LHFPL6: variants seen among roughly 807,000 people sequenced by gnomAD.
LHFPL6 encodes LHFPL tetraspan subfamily member 6 protein.
A neutral mutation model predicts 20.6 loss-of-function variants in LHFPL6; 9 were observed. The ratio of observed to expected loss-of-function variants is 0.44; its 90% CI spans 0.26 to 0.76. The LOEUF is 0.76. Ranked by LOEUF, LHFPL6 falls within the 30% of genes least tolerant of loss-of-function variation. The probability of loss-of-function intolerance (pLI) is 0.20; values close to 1 mark genes in which losing one functional copy is unlikely to be tolerated. For missense variants in LHFPL6, 218 were observed against 253.5 expected (o/e 0.86, Z 0.95); for synonymous variants, 105 against 98.7 (o/e 1.06, Z -0.38).
intron 2 of LHFPL6, among the ~76,000 whole-genome samples, chr13:39,468,609 AT>A (rs1173886020): frequency 2.0e-5 from 3 of 152,204 alleles, no homozygotes; most frequent in African/African-American, 4.8e-5. Flanking sequence ...AAGTAATGTC[AT>A]GATTTGCACT....
intron 2 of LHFPL6, among the ~76,000 whole-genome samples, chr13:39,432,637 C>T (rs1871845535): frequency 6.6e-6 from 1 of 152,196 alleles, no homozygotes; most frequent in Non-Finnish European, 1.5e-5. Context: ...CCTTTCCTGG[C>T]TGTATAAGTT....
In LHFPL6 at chr13:39,541,300, T is replaced by C. The variant is rs535315594; in HGVS notation, c.385+59532A>G. Among the ~76,000 whole-genome samples, 4 of 152,322 alleles carry C rather than the reference T, an allele frequency of 2.6e-5. No homozygotes were observed. In the South Asian group the frequency reaches 8.3e-4, roughly 32 times the overall value. ...GTTTGAACACCAATGAAGTCCATTT[T>C]TCCATGTTTGCTCTTTATGAAAAAA... is the stretch of plus-strand genomic sequence containing the variant. On this transcript the variant is annotated intron_variant, in intron 2 of 3. Coordinates refer to ENST00000379589, the MANE Select transcript of LHFPL6 (RefSeq NM_005780.3).
At chr13:39,522,858 G>A (rs1870155006) in intron 2 of LHFPL6, among the ~76,000 whole-genome samples, 1 of 152,204 alleles carries the variant, frequency 6.6e-6, no homozygotes, top group Non-Finnish European at 1.5e-5. Flanking sequence ...CATTAAATTC[G>A]TATGGACAGT....
At chr13:39,568,662 T>C (rs1204864978) in intron 2 of LHFPL6, among the ~76,000 whole-genome samples, 1 of 152,230 alleles carries the variant, frequency 6.6e-6, no homozygotes, top group Non-Finnish European at 1.5e-5. Context: ...CATTTCACTT[T>C]TTCTCTGCAT....
rs977796333 is a variant in LHFPL6 at position 39,378,587 on chromosome 13, G to A, written c.386-61C>T. On this transcript the variant is annotated intron_variant, in intron 2 of 3. Coordinates refer to ENST00000379589, the MANE Select transcript of LHFPL6 (RefSeq NM_005780.3). ...CTTCTCTGCATCACTAGATAAAGGT[G>A]GTGGGATCAATATTTAGCAATATAA... 26 of 1,277,020 alleles carry A rather than the reference G, an allele frequency of 2.0e-5. No homozygotes were observed. The South Asian group carries it at 3.1e-4, about 15-fold the overall frequency. 79.1% of individuals were successfully genotyped at this position (1,277,020 alleles called of 1,614,324 possible).
At chr13:39,424,412 T>C (rs1053454177) in intron 2 of LHFPL6, among the ~76,000 whole-genome samples, 2 of 152,138 alleles carry the variant, frequency 1.3e-5, no homozygotes, top group Non-Finnish European at 2.9e-5. Context: ...ACCAGGTAGG[T>C]ATGAATAGGT....
chr13:39,561,126 C>G (rs1871465374), intron 2 of LHFPL6, among the ~76,000 whole-genome samples: 1 of 151,906 alleles, frequency 6.6e-6, no homozygotes, highest in African/African-American at 2.4e-5. Context: ...ATTGACTCAC[C>G]TATTCAGGGC....
intron 2 of LHFPL6, among the ~76,000 whole-genome samples, chr13:39,414,819 C>A (rs1192707423): frequency 2.0e-5 from 3 of 152,078 alleles, no homozygotes; most frequent in Admixed American, 6.5e-5. Context: ...GGCATTTAGA[C>A]CCCTAAGAGT....
intron 2 of LHFPL6, among the ~76,000 whole-genome samples, chr13:39,395,555 G>A (rs563604442): frequency 6.6e-6 from 1 of 152,274 alleles, no homozygotes; most frequent in African/African-American, 2.4e-5. Context: ...CCGGAGCCTG[G>A]GCAAACTATT....
At chr13:39,537,045 A>AT (rs1044891984) in intron 2 of LHFPL6, among the ~76,000 whole-genome samples, 2 of 152,134 alleles carry the variant, frequency 1.3e-5, no homozygotes, top group Non-Finnish European at 2.9e-5. Flanking sequence ...TGCCCCTGTC[A>AT]TTTTGATTAA....
chr13:39,385,742 T>G (rs1870547968), intron 2 of LHFPL6, among the ~76,000 whole-genome samples: 1 of 152,216 alleles, frequency 6.6e-6, no homozygotes, highest in Admixed American at 6.5e-5. Context: ...CAGCGGACTA[T>G]TAACATAACA....
At chr13:39,344,765 T>C (rs1236882481) in intron 3 of LHFPL6, among the ~76,000 whole-genome samples, 3 of 152,228 alleles carry the variant, frequency 2.0e-5, no homozygotes, top group African/African-American at 7.2e-5. Context: ...AATTCTTTTA[T>C]CAACATTATA....
In LHFPL6 at chr13:39,434,942, G is replaced by A. The variant is rs1871914419; in HGVS notation, c.386-56416C>T. 2.0e-5 allele frequency among the ~76,000 whole-genome samples: 3 copies of A among 151,426 alleles called. 1 individual carries two copies. The South Asian group carries it at 6.3e-4, about 32-fold the overall frequency. ...GCGGTGGCGGGCGCCTGTAGTCCCA[G>A]CTACTCGGGAGGCTGAGGCAGGAGA... On this transcript the variant is annotated intron_variant, in intron 2 of 3. Coordinates refer to ENST00000379589, the MANE Select transcript of LHFPL6 (RefSeq NM_005780.3).
At chr13:39,422,549 G>T (rs530802440) in intron 2 of LHFPL6, among the ~76,000 whole-genome samples, 3 of 138,052 alleles carry the variant, frequency 2.2e-5, no homozygotes, top group African/African-American at 8.2e-5. Context: ...TGGTGCCATT[G>T]CATTCCATCC....
chr13:39,452,309 T>C (rs2138422037), intron 2 of LHFPL6, among the ~76,000 whole-genome samples: 1 of 152,154 alleles, frequency 6.6e-6, no homozygotes, highest in East Asian at 1.9e-4. Flanking sequence ...TATGGAGTAC[T>C]AGGAGGACTC....
chr13:39,452,489 T>C (rs951623293), intron 2 of LHFPL6, among the ~76,000 whole-genome samples: 9 of 152,196 alleles, frequency 5.9e-5, no homozygotes, highest in Admixed American at 6.5e-5. Flanking sequence ...CACAATTGCC[T>C]ATGTTACGAT....
chr13:39,507,966 C>A (rs1473721813), intron 2 of LHFPL6, among the ~76,000 whole-genome samples: 3 of 131,944 alleles, frequency 2.3e-5, no homozygotes, highest in Non-Finnish European at 4.7e-5. Flanking sequence ...CCCTTTTTTT[C>A]TCCCCTCCCC....
At chr13:39,470,382 A>C (rs1872912589) in intron 2 of LHFPL6, among the ~76,000 whole-genome samples, 1 of 152,082 alleles carries the variant, frequency 6.6e-6, no homozygotes, top group South Asian at 2.1e-4. Flanking sequence ...ATTTTTTTTC[A>C]CATTATCAAC....
At chr13:39,397,968 T>C (rs1379693514) in intron 2 of LHFPL6, among the ~76,000 whole-genome samples, 1 of 152,294 alleles carries the variant, frequency 6.6e-6, no homozygotes, top group East Asian at 1.9e-4. Context: ...GCAGTAACTC[T>C]GCTGAACAGC....
Sources: allele counts gnomAD v4.1 joint callset (sites outside exome capture counted in the v4.1 genomes callset), GRCh38; gene constraint gnomAD v4.1.1; transcripts MANE v1.5; gene names NCBI Gene and HGNC (gene_info 2026-07-23, HGNC 2026-07-21).